The following ATP9B variants were observed in gnomAD, a reference collection of about 807,000 sequenced individuals.
ATP9B encodes probable phospholipid-transporting ATPase IIB.
A neutral mutation model predicts 146.1 loss-of-function variants in ATP9B; 110 were observed. The ratio of observed to expected loss-of-function variants is 0.75; its 90% CI spans 0.65 to 0.88. The LOEUF is 0.88. Ranked by LOEUF, ATP9B falls within the 40% of genes least tolerant of loss-of-function variation. The pLI, the probability that ATP9B is intolerant of heterozygous loss-of-function variation, is 0.00. For synonymous variants in ATP9B, 604 were observed against 569.7 expected (o/e 1.06, Z -0.86); for missense variants, 1,499 against 1,496.4 (o/e 1.00, Z -0.03).
chr18:79,353,197 C>G (rs1255249756), intron 25 of ATP9B: 1 of 152,280 alleles, frequency 6.6e-6, no homozygotes, highest in South Asian at 2.1e-4. Context: ...CTCCAGAAAG[C>G]AGGCTGGCAG....
At chr18:79,327,766 G>A (rs1435877211) in intron 15 of ATP9B, among the ~76,000 whole-genome samples, 24 of 127,126 alleles carry the variant, frequency 1.9e-4, no homozygotes, top group African/African-American at 6.2e-4. Flanking sequence ...CGTGCTCTCT[G>A]TGGTTAACGT....
intron 2 of ATP9B, among the ~76,000 whole-genome samples, chr18:79,106,198 A>G (rs948978): frequency 0.56 from 85,430 of 152,034 alleles, 25,709 homozygotes; most frequent in African/African-American, 0.79. Context: ...CTGAATAATC[A>G]ATAATTTAGA....
chr18:79,245,783 C>CACCACCTTACTGACTGAGGAGGGT lies in ATP9B; in HGVS notation c.1108-7592_1108-7591insTTACTGACTGAGGAGGGTACCACC, dbSNP rs2095946416. 3.8e-5 allele frequency among the ~76,000 whole-genome samples: 4 copies of CACCACCTTACTGACTGAGGAGGGT among 106,154 alleles called. No homozygotes were observed. The South Asian group carries it at 1.5e-3, about 39-fold the overall frequency. 69.6% of individuals were successfully genotyped at this position (106,154 alleles called of 152,430 possible). A position where few individuals can be genotyped will look rare whatever the true frequency, so the allele number is the denominator to read the frequency against. On this transcript the variant is annotated intron_variant, in intron 11 of 29. Coordinates refer to ENST00000426216, the MANE Select transcript of ATP9B (RefSeq NM_198531.5). ...GCACCGCCCTACTGACTGAGGAGGGCACCACCCTACTGACTGAGGAGGGTA... is the reference window on the plus strand; with the variant it reads ...GCACCGCCCTACTGACTGAGGAGGGCACCACCTTACTGACTGAGGAGGGTACCACCCTACTGACTGAGGAGGGTA...
chr18:79,376,118 T>C (rs2097100289), intron 29 of ATP9B: 1 of 983,432 alleles, frequency 1.0e-6, no homozygotes, highest in African/African-American at 1.8e-5. Context: ...CAGATGGAAC[T>C]GCCAGCTGCC....
rs2074807821 is a variant in ATP9B at position 79,096,658 on chromosome 18, T to A, written c.293+9T>A. On this transcript the variant is annotated intron_variant, in intron 2 of 29. Coordinates refer to ENST00000426216, the MANE Select transcript of ATP9B (RefSeq NM_198531.5). The stretch of plus-strand genomic sequence containing the variant: ...AAGTTCCTCTGTACCAGGTTTGTTA[T>A]CCATTGCTACCTAATTTCCTTATAT... 1 of 1,601,658 alleles carries A rather than the reference T, an allele frequency of 6.2e-7. No individual in the cohort carries two copies. Among genetic ancestry groups the A allele is most frequent in the Admixed American group, 1.7e-5 (1 of 58,892 alleles).
chr18:79,220,422 A>G (rs764288592), intron 11 of ATP9B, among the ~76,000 whole-genome samples: 2 of 152,020 alleles, frequency 1.3e-5, no homozygotes, highest in Middle Eastern at 3.2e-3. Context: ...GCAACATGGC[A>G]AAACCTGTCC....
At chr18:79,194,171 C>T (rs773973162) in intron 9 of ATP9B, among the ~76,000 whole-genome samples, 2 of 151,960 alleles carry the variant, frequency 1.3e-5, no homozygotes, top group African/African-American at 2.4e-5. Flanking sequence ...AATAAACTCA[C>T]ATCTTTTTTT....
chr18:79,174,424 G>A (rs2095128341), intron 7 of ATP9B, among the ~76,000 whole-genome samples: 1 of 152,100 alleles, frequency 6.6e-6, no homozygotes, highest in Non-Finnish European at 1.5e-5. Flanking sequence ...TATTGAACAG[G>A]GATTTCTTAG....
At chr18:79,085,978 G>A (rs2073785116) in intron 1 of ATP9B, 1 of 150,916 alleles carries the variant, frequency 6.6e-6, no homozygotes. Flanking sequence ...TATTTTACTA[G>A]TTGTAAAAAT....
At chr18:79,200,788 T>TGTC (rs2095477239) in intron 9 of ATP9B, among the ~76,000 whole-genome samples, 5 of 35,454 alleles carry the variant, frequency 1.4e-4, no homozygotes, top group African/African-American at 4.8e-4. Context: ...GAAGTAGTGG[T>TGTC]GGAATTGTTT....
chr18:79,267,769 A>G (rs1415731254), intron 12 of ATP9B, among the ~76,000 whole-genome samples: 1 of 152,092 alleles, frequency 6.6e-6, no homozygotes, highest in Admixed American at 6.5e-5. Context: ...CTAGGGTCCA[A>G]TATTTAGTCC....
intron 4 of ATP9B, among the ~76,000 whole-genome samples, chr18:79,118,786 C>T (rs937700500): frequency 3.3e-5 from 5 of 151,832 alleles, no homozygotes; most frequent in African/African-American, 9.7e-5. Context: ...GCTTAAGTAT[C>T]GTTTCCCGGC....
intron 13 of ATP9B, among the ~76,000 whole-genome samples, chr18:79,296,015 C>G (rs981931590): frequency 5.9e-5 from 9 of 152,186 alleles, no homozygotes; most frequent in African/African-American, 2.2e-4. Flanking sequence ...GGGTCTTGCT[C>G]TGTCACCTGG....
intron 26 of ATP9B, chr18:79,359,995 G>A (rs1162526923): frequency 6.5e-6 from 1 of 154,436 alleles, no homozygotes. Context: ...TTTTTGCAGT[G>A]ATGTCACCAA....
At chr18:79,375,125 A>T (rs2097095610) in intron 28 of ATP9B, among the ~76,000 whole-genome samples, 1 of 152,252 alleles carries the variant, frequency 6.6e-6, no homozygotes, top group Non-Finnish European at 1.5e-5. Context: ...AGCTCCTCTC[A>T]GACCTGGATA....
chr18:79,377,482 G>C lies in ATP9B; in HGVS notation c.*99G>C. 1 of 1,449,756 alleles carries C rather than the reference G, an allele frequency of 6.9e-7. No individual in the cohort carries two copies. Among genetic ancestry groups the C allele is most frequent in the Non-Finnish European group, 9.3e-7 (1 of 1,072,848 alleles). The allele number at this position is 1,449,756 out of a possible 1,614,324, so 89.8% of individuals were successfully genotyped here. A position where few individuals can be genotyped will look rare whatever the true frequency, so the allele number is the denominator to read the frequency against. On this transcript the variant is annotated 3_prime_UTR_variant, in exon 30 of 30. Transcript: ENST00000426216. ...ACGCAGGGTTTGCCATTGCTACCAA[G>C]CAAGCACCACAAGAAAGGGAGGGTA...
At chr18:79,284,181 G>A (rs149567187) in intron 13 of ATP9B, among the ~76,000 whole-genome samples, 50 of 152,270 alleles carry the variant, frequency 3.3e-4, no homozygotes, top group African/African-American at 8.7e-4. Flanking sequence ...GAGTGCATAC[G>A]AGGCAAGCAA....
At chr18:79,289,163 C>T (rs2096475605) in intron 13 of ATP9B, among the ~76,000 whole-genome samples, 2 of 152,154 alleles carry the variant, frequency 1.3e-5, no homozygotes, top group South Asian at 4.1e-4. Flanking sequence ...TGTTGGCCTG[C>T]CTTGCTAGAT....
intron 12 of ATP9B, among the ~76,000 whole-genome samples, chr18:79,273,607 C>A (rs1016894134): frequency 6.6e-6 from 1 of 152,128 alleles, no homozygotes; most frequent in African/African-American, 2.4e-5. Flanking sequence ...GAATCTCGCG[C>A]GATTCTCAGA....
Sources: gnomAD v4.1 joint callset for allele counts (sites outside exome capture counted in the v4.1 genomes callset) on GRCh38, gnomAD v4.1.1 for gene constraint, MANE v1.5 for transcripts, NCBI Gene and HGNC (gene_info 2026-07-23, HGNC 2026-07-21) for gene names.